Variants in GRID2 observed in about 807,000 individuals in gnomAD.
The protein encoded by GRID2 is glutamate receptor ionotropic, delta-2.
Under a neutral mutation model 114.8 loss-of-function variants are expected in GRID2, and 33 were observed. The observed-to-expected ratio is 0.29, with a 90% CI of 0.22 to 0.38. GRID2 has a LOEUF of 0.38. GRID2 is among the 10% of genes least tolerant of loss of function. The pLI, the probability that GRID2 is intolerant of heterozygous loss-of-function variation, is 1.00. For synonymous variants in GRID2, 505 were observed against 449.9 expected (o/e 1.12, Z -1.55); for missense variants, 1,184 against 1,257.7 (o/e 0.94, Z 0.89).
chr4:93,278,901 C>G (rs1489979476), intron 8 of GRID2, among the ~76,000 whole-genome samples: 1 of 151,666 alleles, frequency 6.6e-6, no homozygotes, highest in African/African-American at 2.4e-5. Flanking sequence ...AATATCTGCT[C>G]CCTTATTAAA....
intron 11 of GRID2, among the ~76,000 whole-genome samples, chr4:93,456,626 T>G (rs898482493): frequency 1.3e-5 from 2 of 152,172 alleles, no homozygotes; most frequent in African/African-American, 4.8e-5. Flanking sequence ...GAATAATATT[T>G]ATTGCATTCC....
intron 1 of GRID2, among the ~76,000 whole-genome samples, chr4:92,336,024 G>T (rs951403990): frequency 3.9e-5 from 6 of 152,142 alleles, no homozygotes; most frequent in Non-Finnish European, 7.4e-5. Context: ...TTAGGGATAA[G>T]AATGGCTAAC....
At chr4:92,533,293 T>G (rs1456062886) in intron 1 of GRID2, among the ~76,000 whole-genome samples, 1 of 151,602 alleles carries the variant, frequency 6.6e-6, no homozygotes, top group African/African-American at 2.4e-5. Context: ...ATATTCAACA[T>G]TTACACACAC....
At chr4:92,965,312 T>G (rs1274517725) in intron 2 of GRID2, among the ~76,000 whole-genome samples, 2 of 151,354 alleles carry the variant, frequency 1.3e-5, no homozygotes, top group African/African-American at 4.8e-5. Flanking sequence ...ATAAGAGATA[T>G]AACAACAATG....
At chr4:92,835,511 A>T (rs1249648344) in intron 2 of GRID2, among the ~76,000 whole-genome samples, 1 of 152,154 alleles carries the variant, frequency 6.6e-6, no homozygotes, top group Non-Finnish European at 1.5e-5. Context: ...CATACGTATG[A>T]GGCTGTACAT....
intron 12 of GRID2, among the ~76,000 whole-genome samples, chr4:93,496,060 C>A (rs1199238126): frequency 6.6e-6 from 1 of 150,736 alleles, no homozygotes; most frequent in African/African-American, 2.4e-5. Context: ...TAGCTTTGAG[C>A]CATCAACAAA....
chr4:92,379,415 T>C (rs1379285757), intron 1 of GRID2, among the ~76,000 whole-genome samples: 1 of 152,008 alleles, frequency 6.6e-6, no homozygotes, highest in Admixed American at 6.6e-5. Context: ...CTTATAATGA[T>C]GGAAAAGAAG....
intron 2 of GRID2, among the ~76,000 whole-genome samples, chr4:92,706,953 A>T (rs1039739362): frequency 6.6e-6 from 1 of 152,148 alleles, no homozygotes; most frequent in Non-Finnish European, 1.5e-5. Context: ...GACATACTAT[A>T]TCATTTTTAT....
At chr4:92,886,313 A>G (rs1022149250) in intron 2 of GRID2, among the ~76,000 whole-genome samples, 11 of 152,144 alleles carry the variant, frequency 7.2e-5, no homozygotes, top group African/African-American at 2.7e-4. Context: ...AATAGATATA[A>G]TCATGAAAAT....
intron 4 of GRID2, among the ~76,000 whole-genome samples, chr4:93,139,012 C>T (rs973684012): frequency 6.6e-6 from 1 of 152,172 alleles, no homozygotes; most frequent in Admixed American, 6.5e-5. Context: ...AGATTCTCTG[C>T]TTTCCTATTT....
At chr4:92,693,860 A>G (rs1235011755) in intron 2 of GRID2, among the ~76,000 whole-genome samples, 1 of 152,236 alleles carries the variant, frequency 6.6e-6, no homozygotes, top group African/African-American at 2.4e-5. Context: ...ATGAGAAGAT[A>G]AGAAAATATA....
intron 1 of GRID2, among the ~76,000 whole-genome samples, chr4:92,322,327 C>A (rs113344040): frequency 2.0e-5 from 3 of 151,944 alleles, no homozygotes; most frequent in African/African-American, 7.2e-5. Context: ...ACACTCTTTT[C>A]TTAGCTTTGG....
At chr4:93,271,452 G>C (rs1304604949) in intron 8 of GRID2, among the ~76,000 whole-genome samples, 1 of 152,070 alleles carries the variant, frequency 6.6e-6, no homozygotes, top group African/African-American at 2.4e-5. Context: ...GGAAGCTGAG[G>C]GAGCAGAAAT....
intron 14 of GRID2, among the ~76,000 whole-genome samples, chr4:93,679,666 C>T (rs1408951546): frequency 1.3e-5 from 2 of 151,022 alleles, no homozygotes; most frequent in African/African-American, 4.9e-5. Flanking sequence ...ACAGCCTGCT[C>T]CTGAATGACT....
intron 2 of GRID2, among the ~76,000 whole-genome samples, chr4:92,683,696 C>CA (rs1337504985): frequency 6.7e-6 from 1 of 149,306 alleles, no homozygotes; most frequent in African/African-American, 2.5e-5. Flanking sequence ...CAAAGCAAAA[C>CA]AAAAAAGATT....
intron 9 of GRID2, among the ~76,000 whole-genome samples, chr4:93,399,412 A>G (rs1438375007): frequency 1.3e-5 from 2 of 152,114 alleles, no homozygotes; most frequent in Admixed American, 6.6e-5. Context: ...AAACTACACA[A>G]TTCAGCACTC....
intron 14 of GRID2, among the ~76,000 whole-genome samples, chr4:93,737,449 G>T (rs1490693027): frequency 6.6e-6 from 1 of 151,944 alleles, no homozygotes; most frequent in Non-Finnish European, 1.5e-5. Context: ...TTTCAGCTAG[G>T]CATCATTACT....
At chr4:93,685,797 A>G (rs1234123881) in intron 14 of GRID2, among the ~76,000 whole-genome samples, 3 of 152,062 alleles carry the variant, frequency 2.0e-5, no homozygotes, top group African/African-American at 7.2e-5. Context: ...TTGGGTTTCT[A>G]TTCTTGACTC....
chr4:93,726,798 G>A (rs867723984), intron 14 of GRID2, among the ~76,000 whole-genome samples: 16 of 152,106 alleles, frequency 1.1e-4, no homozygotes, highest in Admixed American at 2.0e-4. Flanking sequence ...TCTGTTATTG[G>A]TGTATAAGAA....
Sources: gnomAD v4.1 joint callset for allele counts (sites outside exome capture counted in the v4.1 genomes callset) on GRCh38, gnomAD v4.1.1 for gene constraint, MANE v1.5 for transcripts, NCBI Gene and HGNC (gene_info 2026-07-23, HGNC 2026-07-21) for gene names.